The following KHDRBS3 variants were observed in gnomAD, a reference collection of about 807,000 sequenced individuals.
KHDRBS3 encodes the protein KH RNA binding domain containing, signal transduction associated 3.
A neutral mutation model predicts 45.6 loss-of-function variants in KHDRBS3; 23 were observed. That is an observed-to-expected ratio of 0.50 (90% confidence interval 0.36 to 0.72). KHDRBS3 has a LOEUF of 0.72. KHDRBS3 is among the 30% of genes least tolerant of loss of function. The pLI, the probability that KHDRBS3 is intolerant of heterozygous loss-of-function variation, is 0.00. For synonymous variants in KHDRBS3, 162 were observed against 156.5 expected, an observed-to-expected ratio of 1.04 and a Z score of -0.26; for missense variants, 352 against 424.8, an observed-to-expected ratio of 0.83 and a Z score of 1.51.
At chr8:135,623,950 G>A (rs942577007) in intron 7 of KHDRBS3, among the ~76,000 whole-genome samples, 2 of 152,174 alleles carry the variant, frequency 1.3e-5, no homozygotes, top group Non-Finnish European at 2.9e-5. Flanking sequence ...ATTTTGCAGA[G>A]TCCTGCAAAT....
chr8:135,547,862 A>T (rs529350791), intron 3 of KHDRBS3, among the ~76,000 whole-genome samples: 10 of 152,322 alleles, frequency 6.6e-5, no homozygotes, highest in Admixed American at 5.2e-4. Context: ...AGATTCTGAA[A>T]TCAGGACCTA....
chr8:135,647,332 T>C lies in KHDRBS3; in HGVS notation c.*248T>C, dbSNP rs911473253. Reference sequence around the variant, plus strand: ...TCATCAAAAGGAAAAAAAATAACTTTGATTAACTAGTGTTAAACAAAAAAT... The same window carrying C: ...TCATCAAAAGGAAAAAAAATAACTTCGATTAACTAGTGTTAAACAAAAAAT... On this transcript the variant is annotated 3_prime_UTR_variant, in exon 9 of 9. Coordinates refer to ENST00000355849, the MANE Select transcript of KHDRBS3 (RefSeq NM_006558.3). 1 of 308,040 alleles carries C rather than the reference T, an allele frequency of 3.2e-6. No individual in the cohort carries two copies. Among genetic ancestry groups the C allele is most frequent in the Non-Finnish European group, 5.9e-6 (1 of 168,804 alleles). The allele number at this position is 308,040 out of a possible 1,614,324, so 19.1% of individuals were successfully genotyped here. A position where few individuals can be genotyped will look rare whatever the true frequency, so the allele number is the denominator to read the frequency against.
chr8:135,606,319 A>G (rs1829460021), intron 6 of KHDRBS3, among the ~76,000 whole-genome samples: 1 of 151,764 alleles, frequency 6.6e-6, no homozygotes, highest in Non-Finnish European at 1.5e-5. Context: ...CTCATTCCCC[A>G]CTTTTCTTTT....
chr8:135,557,280 T>G lies in KHDRBS3; in HGVS notation c.472-168T>G, dbSNP rs192691825. On this transcript the variant is annotated intron_variant, in intron 4 of 8. Transcript: ENST00000355849. Reference sequence around the variant, plus strand: ...TGCTGTAGTTTTTTTCTTCCTTTTTTACAAGAATTTATTATCACATTTTTA... The same window carrying G: ...TGCTGTAGTTTTTTTCTTCCTTTTTGACAAGAATTTATTATCACATTTTTA... 3.3e-3 allele frequency among the ~76,000 whole-genome samples: 504 copies of G among 152,356 alleles called. No individual in the cohort carries two copies. Among genetic ancestry groups the G allele is most frequent in the Middle Eastern group, 0.017 (5 of 294 alleles).
chr8:135,578,095 TG>T (rs1470952328), intron 5 of KHDRBS3, among the ~76,000 whole-genome samples: 1 of 152,166 alleles, frequency 6.6e-6, no homozygotes, highest in Non-Finnish European at 1.5e-5. Flanking sequence ...GCTTTCTTAT[TG>T]TTGAGTTATA....
intron 5 of KHDRBS3, 111 bp from the exon 6 acceptor site, chr8:135,581,766 CT>C: frequency 2.1e-6 from 2 of 931,560 alleles, no homozygotes; most frequent in Non-Finnish European, 3.1e-6. Context: ...TTCCTTCTTC[CT>C]TTTTACAAAA....
chr8:135,574,557 A>G (rs1827865659), intron 5 of KHDRBS3, among the ~76,000 whole-genome samples: 1 of 152,138 alleles, frequency 6.6e-6, no homozygotes, highest in Non-Finnish European at 1.5e-5. Context: ...ATACATTTAT[A>G]TATTCAAGAA....
At chr8:135,525,873 A>G (rs1825157548) in intron 2 of KHDRBS3, among the ~76,000 whole-genome samples, 1 of 152,168 alleles carries the variant, frequency 6.6e-6, no homozygotes, top group African/African-American at 2.4e-5. Context: ...GTTGTCTCCA[A>G]GTTTGTAAAT....
At chr8:135,515,130 G>A (rs1409933462) in intron 1 of KHDRBS3, among the ~76,000 whole-genome samples, 1 of 151,980 alleles carries the variant, frequency 6.6e-6, no homozygotes, top group Non-Finnish European at 1.5e-5. Flanking sequence ...ACTTTGGGAG[G>A]CCGAGGCGGG....
chr8:135,494,796 G>A (rs1021728090), intron 1 of KHDRBS3, among the ~76,000 whole-genome samples: 10 of 152,150 alleles, frequency 6.6e-5, no homozygotes, highest in African/African-American at 2.4e-4. Context: ...CTCCACCATC[G>A]CCATTCTCTC....
chr8:135,461,293 C>G (rs767990759), intron 1 of KHDRBS3, among the ~76,000 whole-genome samples: 1 of 151,850 alleles, frequency 6.6e-6, no homozygotes, highest in African/African-American at 2.4e-5. Context: ...TTAGTAGAGA[C>G]GGGGTTTCAC....
At chr8:135,538,174 C>T (rs889589856) in intron 2 of KHDRBS3, among the ~76,000 whole-genome samples, 1 of 152,112 alleles carries the variant, frequency 6.6e-6, no homozygotes, top group African/African-American at 2.4e-5. Context: ...GAGAACACTA[C>T]CCTGAGCTTG....
rs1379920282 is a variant in KHDRBS3 at position 135,567,572 on chromosome 8, G to A, written c.611+9985G>A. Among the ~76,000 whole-genome samples, 5 of 152,194 alleles carry A rather than the reference G, an allele frequency of 3.3e-5. 1 individual carries two copies. In the South Asian group the frequency reaches 6.2e-4, roughly 19 times the overall value. On this transcript the variant is annotated intron_variant, in intron 5 of 8. Coordinates refer to ENST00000355849, the MANE Select transcript of KHDRBS3 (RefSeq NM_006558.3). ...GACTAGCTTGGGCTCATAGTAGAGAGGGAATGTGCCTTTTGCCCTTTGTAT... is the reference window on the plus strand; with the variant it reads ...GACTAGCTTGGGCTCATAGTAGAGAAGGAATGTGCCTTTTGCCCTTTGTAT...
downstream of KHDRBS3, among the ~76,000 whole-genome samples, chr8:135,650,751 A>G (rs1004711298): frequency 6.6e-6 from 1 of 152,178 alleles, no homozygotes; most frequent in Non-Finnish European, 1.5e-5. Flanking sequence ...TATCCCAGAG[A>G]GTATCTCACA....
intron 1 of KHDRBS3, among the ~76,000 whole-genome samples, chr8:135,493,018 T>A (rs920884132): frequency 6.6e-6 from 1 of 152,154 alleles, no homozygotes; most frequent in Non-Finnish European, 1.5e-5. Flanking sequence ...TGGTTTTCAA[T>A]GTATAGGTCT....
At chr8:135,459,071 C>T (rs144990939) in intron 1 of KHDRBS3, among the ~76,000 whole-genome samples, 1 of 152,344 alleles carries the variant, frequency 6.6e-6, no homozygotes, top group African/African-American at 2.4e-5. Context: ...TTACTGTGCA[C>T]TGACAGTCTG....
chr8:135,596,086 A>G (rs1828961061), intron 6 of KHDRBS3, among the ~76,000 whole-genome samples: 1 of 152,220 alleles, frequency 6.6e-6, no homozygotes, highest in Non-Finnish European at 1.5e-5. Flanking sequence ...TTTTCCTCTG[A>G]ATCACAGAGA....
At chr8:135,645,997 T>A (rs1372209101) in intron 8 of KHDRBS3, among the ~76,000 whole-genome samples, 3 of 23,858 alleles carry the variant, frequency 1.3e-4, no homozygotes, top group African/African-American at 4.6e-4. Flanking sequence ...CTTGGATTTT[T>A]TTTTTTTTTT....
chr8:135,645,909 G>C (rs1337472892), intron 8 of KHDRBS3, among the ~76,000 whole-genome samples: 1 of 151,638 alleles, frequency 6.6e-6, no homozygotes, highest in African/African-American at 2.4e-5. Context: ...TTAACAGAAC[G>C]GAAAAACCAT....
Sources: allele counts gnomAD v4.1 joint callset (sites outside exome capture counted in the v4.1 genomes callset), GRCh38; gene constraint gnomAD v4.1.1; transcripts MANE v1.5; gene names NCBI Gene and HGNC (gene_info 2026-07-23, HGNC 2026-07-21).